The following MED13L variants were observed in gnomAD, a reference collection of about 807,000 sequenced individuals.
MED13L encodes mediator of RNA polymerase II transcription subunit 13-like.
A neutral mutation model predicts 220.9 loss-of-function variants in MED13L; 7 were observed. The ratio of observed to expected loss-of-function variants is 0.03; its 90% CI spans 0.02 to 0.06. The LOEUF (loss-of-function observed/expected upper bound fraction) is 0.06. Ranked by LOEUF, MED13L falls within the 10% of genes least tolerant of loss-of-function variation. MED13L has a pLI of 1.00. For missense variants in MED13L, 1,965 were observed against 2,760.5 expected (o/e 0.71, Z 6.46); for synonymous variants, 1,011 against 1,015.2 (o/e 1.00, Z 0.08).
At chr12:116,148,051 C>CAAAAAAAAAAAAAAAAAAAAAAAAAA (rs10678970) in intron 2 of MED13L, among the ~76,000 whole-genome samples, 2 of 18,140 alleles carry the variant, frequency 1.1e-4, no homozygotes, top group Non-Finnish European at 1.9e-4. Flanking sequence ...GACCCCATCT[C>CAAAAAAAAAAAAAAAAAAAAAAAAAA]AAAAAAAAAA....
At chr12:116,170,669 T>G (rs1565910846) in intron 2 of MED13L, among the ~76,000 whole-genome samples, 1 of 151,490 alleles carries the variant, frequency 6.6e-6, no homozygotes, top group African/African-American at 2.4e-5. Context: ...GGTGCGATCT[T>G]GGCTCACTGC....
chr12:116,032,907 G>A (rs1344139488), intron 4 of MED13L, among the ~76,000 whole-genome samples: 9 of 151,990 alleles, frequency 5.9e-5, no homozygotes, highest in Admixed American at 5.3e-4. Flanking sequence ...CAAGGAGAAA[G>A]GAAAAGAAGA....
At chr12:116,050,539 A>C (rs1001924771) in intron 4 of MED13L, among the ~76,000 whole-genome samples, 1 of 152,244 alleles carries the variant, frequency 6.6e-6, no homozygotes, top group Non-Finnish European at 1.5e-5. Context: ...CTGAATTAAA[A>C]GTACACCCTA....
chr12:116,255,694 T>C (rs543909649), intron 1 of MED13L, among the ~76,000 whole-genome samples: 7 of 152,340 alleles, frequency 4.6e-5, no homozygotes, highest in African/African-American at 1.4e-4. Context: ...AATTTTTAAA[T>C]TGGGCAAAAG....
chr12:116,046,552 T>C (rs1390171703), intron 4 of MED13L, among the ~76,000 whole-genome samples: 1 of 152,234 alleles, frequency 6.6e-6, no homozygotes, highest in Non-Finnish European at 1.5e-5. Context: ...AAAAATATAA[T>C]TAAATAAAGA....
chr12:116,164,108 G>T (rs537498816), intron 2 of MED13L, among the ~76,000 whole-genome samples: 7 of 152,114 alleles, frequency 4.6e-5, no homozygotes, highest in South Asian at 2.1e-4. Context: ...ACAAGTTCAC[G>T]AGCTATGACT....
intron 2 of MED13L, among the ~76,000 whole-genome samples, chr12:116,227,769 T>C (rs970985704): frequency 6.6e-6 from 1 of 152,140 alleles, no homozygotes; most frequent in Non-Finnish European, 1.5e-5. Flanking sequence ...ACAATGGCCA[T>C]TAAATGTTCA....
At chr12:116,232,372 A>G (rs1396477407) in intron 2 of MED13L, among the ~76,000 whole-genome samples, 2 of 152,230 alleles carry the variant, frequency 1.3e-5, no homozygotes, top group African/African-American at 4.8e-5. Context: ...TAGACAGTGC[A>G]TATTTAGTGC....
chr12:116,152,429 G>A (rs1270106391), intron 2 of MED13L, among the ~76,000 whole-genome samples: 1 of 152,126 alleles, frequency 6.6e-6, no homozygotes, highest in African/African-American at 2.4e-5. Context: ...TTTGTCTGCA[G>A]CTAAAGTTTC....
At chr12:116,210,571 A>C (rs1882633747) in intron 2 of MED13L, among the ~76,000 whole-genome samples, 1 of 144,740 alleles carries the variant, frequency 6.9e-6, no homozygotes, top group Non-Finnish European at 1.5e-5. Flanking sequence ...ATATATATAT[A>C]TATATATATA....
chr12:116,022,380 T>C, intron 5 of MED13L, 76 bp downstream of exon 5: 2 of 1,562,906 alleles, frequency 1.3e-6, no homozygotes, highest in Admixed American at 1.7e-5. Context: ...GGTCTCACCC[T>C]GCAAAACTTT....
At chr12:116,049,181 T>A (rs1023738003) in intron 4 of MED13L, among the ~76,000 whole-genome samples, 1 of 152,160 alleles carries the variant, frequency 6.6e-6, no homozygotes, top group East Asian at 1.9e-4. Flanking sequence ...AAGACACAAC[T>A]GAAATCACCT....
chr12:116,080,407 C>T (rs12301477), intron 4 of MED13L, among the ~76,000 whole-genome samples: 463 of 152,316 alleles, frequency 3.0e-3, no homozygotes, highest in African/African-American at 0.011. Context: ...AGGAGGACAG[C>T]TTGTCCTTTC....
intron 2 of MED13L, among the ~76,000 whole-genome samples, chr12:116,154,986 C>T (rs1022817550): frequency 6.6e-6 from 1 of 152,106 alleles, no homozygotes; most frequent in African/African-American, 2.4e-5. Flanking sequence ...AACACTACAC[C>T]TGGCTAATTT....
intron 1 of MED13L, among the ~76,000 whole-genome samples, chr12:116,254,435 A>C (rs1292025144): frequency 6.6e-6 from 1 of 152,050 alleles, no homozygotes; most frequent in African/African-American, 2.4e-5. Context: ...TCTATAAACT[A>C]ACAGTAAACA....
At chr12:116,064,613 A>G (rs1869772798) in intron 4 of MED13L, among the ~76,000 whole-genome samples, 1 of 152,228 alleles carries the variant, frequency 6.6e-6, no homozygotes, top group Admixed American at 6.5e-5. Flanking sequence ...GGGAGTTCCC[A>G]GGGTCTCATT....
intron 4 of MED13L, among the ~76,000 whole-genome samples, chr12:116,069,892 C>T (rs1870236792): frequency 6.6e-6 from 1 of 151,980 alleles, no homozygotes; most frequent in Admixed American, 6.5e-5. Flanking sequence ...GGTCACATTC[C>T]CAAGATACCT....
In MED13L at chr12:115,986,426, A is replaced by G. The variant is rs922389055; in HGVS notation, c.4178T>C (p.Phe1393Ser). The change falls in exon 19 of 31, where the codon TTC becomes TCC. Residue 1393 changes from phenylalanine to serine, a missense_variant. Phe to Ser is a radical substitution (Grantham distance 155, BLOSUM62 -2). This residue lies in a region of MED13L where 510 missense variants were observed against 620.4 expected (regional missense o/e 0.82). Coordinates refer to ENST00000281928, the MANE Select transcript of MED13L (RefSeq NM_015335.5). ...PTLLVGYDKD[F>S]LTISPFSLPF... is the part of the protein sequence containing the mutation. Reference sequence around the variant, plus strand: ...CAAGGAGAATGGCGAGATGGTGAGGAAATCCTTGTCATAGCCTACCAGCAG... The same window carrying G: ...CAAGGAGAATGGCGAGATGGTGAGGGAATCCTTGTCATAGCCTACCAGCAG... The G allele has an allele frequency of 6.2e-7, 1 of 1,614,040 alleles. No individual in the cohort carries two copies. The highest frequency in any genetic ancestry group is 8.5e-7 in the Non-Finnish European group (1 of 1,180,022).
At position 116,139,902 on chromosome 12, in the gene MED13L, G is replaced by A. The variant is rs546281819; in HGVS notation, c.311-28390C>T. Among the ~76,000 whole-genome samples the A allele has an allele frequency of 6.4e-4, 97 of 150,972 alleles. No homozygotes were observed. The Middle Eastern group carries it at 0.01, about 16-fold the overall frequency. ...AGAGAATCACTTGAACCAGGGAGGC[G>A]GAGGTTGCAGTGAGCTGAGATTGTG... On this transcript the variant is annotated intron_variant, in intron 2 of 30. Coordinates refer to ENST00000281928, the MANE Select transcript of MED13L (RefSeq NM_015335.5).
Sources: gnomAD v4.1 joint callset for allele counts (sites outside exome capture counted in the v4.1 genomes callset) on GRCh38, gnomAD v4.1.1 for gene constraint, gnomAD v4.1.1 regional missense constraint, MANE v1.5 for transcripts, NCBI Gene and HGNC (gene_info 2026-07-23, HGNC 2026-07-21) for gene names.